Variants in PCDHGA3 observed in about 807,000 individuals in gnomAD.
PCDHGA3 encodes protocadherin gamma subfamily A, 3, also known as protocadherin gamma-A3.
A neutral mutation model predicts 58.5 loss-of-function variants in PCDHGA3; 40 were observed. That is an observed-to-expected ratio of 0.68 (90% CI 0.53 to 0.89). The LOEUF (loss-of-function observed/expected upper bound fraction) is 0.89, where lower values mean the gene tolerates loss of function less well. Among genes scored for constraint, PCDHGA3 ranks in the 40% least tolerant of loss-of-function variants. The pLI, the probability that PCDHGA3 is intolerant of heterozygous loss-of-function variation, is 0.00. For missense variants in PCDHGA3, 1,223 were observed against 1,195.9 expected (o/e 1.02, Z -0.33); for synonymous variants, 530 against 525.7 (o/e 1.01, Z -0.11).
At position 141,381,820 on chromosome 5, in the gene PCDHGA3, C is replaced by CTTTCTTTCT. The variant is rs1279410534; in HGVS notation, c.2424+35365_2424+35366insTCTTTCTTT. On this transcript the variant is annotated intron_variant, in intron 1 of 3. Transcript: ENST00000253812. ...TCCCTCTTTCTTTCTTTCTTTCTTT[C>CTTTCTTTCT]TTCTTCTTTTTTTTTTTTTTTTTTT... is the stretch of plus-strand genomic sequence containing the variant. 4.1e-3 allele frequency among the ~76,000 whole-genome samples: 486 copies of CTTTCTTTCT among 119,674 alleles called. 3 individuals carry two copies. The highest frequency in any genetic ancestry group is 0.016 in the African/African-American group (465 of 29,196). The allele number at this position is 119,674 out of a possible 152,430, so 78.5% of individuals were successfully genotyped here.
chr5:141,366,418 A>G (rs371439517), intron 1 of PCDHGA3: 439 of 1,613,988 alleles, frequency 2.7e-4, no homozygotes, highest in East Asian at 7.4e-4. Context: ...TTGTGGTGGC[A>G]GTGGCTGCAG....
Position 141,345,755 on chromosome 5 carries a change from C to G in PCDHGA3, c.1722C>G (p.Gly574=). ...YPALPTDGST[G]VELAPRSAEP... ...CCCTCCCCACAGACGGTTCCACTGG[C>G]GTGGAGCTGGCGCCTCGCTCCGCAG... The change falls in exon 1 of 4, where the codon GGC becomes GGG. Residue 574 remains glycine (G), a synonymous_variant. Transcript: ENST00000253812. 1.2e-6 allele frequency: 2 copies of G among 1,614,226 alleles called. No homozygotes were observed. The highest frequency in any genetic ancestry group is 1.7e-6 in the Non-Finnish European group (2 of 1,180,048).
In PCDHGA3 at chr5:141,476,235, A is replaced by G; in HGVS notation, c.2425-18572A>G. ...GTCATTCACTATGAGATCCCGGAGG[A>G]AAGAGAGAAGGGTTTCGCTGTGGGC... is the stretch of plus-strand genomic sequence containing the variant. On this transcript the variant is annotated intron_variant, in intron 1 of 3. Coordinates refer to ENST00000253812, the MANE Select transcript of PCDHGA3 (RefSeq NM_018916.4). The surrounding 1 kb of genome is among the most constrained non-coding windows in gnomAD (Gnocchi z 7.6). 2 of 1,613,844 alleles carry G rather than the reference A, an allele frequency of 1.2e-6. No homozygotes were observed. Among genetic ancestry groups the G allele is most frequent in the Admixed American group, 1.7e-5 (1 of 59,990 alleles).
Position 141,490,931 on chromosome 5 carries a change from T to C in PCDHGA3, c.2425-3876T>C. 1 of 1,613,780 alleles carries C rather than the reference T, an allele frequency of 6.2e-7. No individual in the cohort carries two copies. Among genetic ancestry groups the C allele is most frequent in the East Asian group, 2.2e-5 (1 of 44,872 alleles). ...GACGAGAATGATAATGCCCCAGCTG[T>C]GCTGCACCCACGGCCAGACTGGGAA... On this transcript the variant is annotated intron_variant, in intron 1 of 3. Transcript: ENST00000253812. This position sits in a 1 kb window ranked among gnomAD's most constrained non-coding sequence, Gnocchi z 5.4.
intron 1 of PCDHGA3, chr5:141,357,204 C>T (rs1216545771): frequency 1.2e-6 from 2 of 1,613,716 alleles, no homozygotes; most frequent in African/African-American, 1.3e-5. Flanking sequence ...CCGACAGCAT[C>T]CCAGATGTCC....
chr5:141,392,622 A>ACTCACAT, intron 1 of PCDHGA3: 1 of 558,650 alleles, frequency 1.8e-6, no homozygotes, highest in Non-Finnish European at 3.0e-6. Context: ...AACCGAAAAC[A>ACTCACAT]CTCAGATCTC....
rs369227893 is a variant in PCDHGA3, at chr5:141,419,063, T to A, written c.2424+72606T>A. 47 of 1,613,840 alleles carry A rather than the reference T, an allele frequency of 2.9e-5. No homozygotes were observed. The highest frequency in any genetic ancestry group is 4.0e-5 in the Non-Finnish European group (47 of 1,179,904). On this transcript the variant is annotated intron_variant, in intron 1 of 3. Coordinates refer to ENST00000253812, the MANE Select transcript of PCDHGA3 (RefSeq NM_018916.4). ...GATTCATTCTTCTTCTAATAATTACTACAAGCTAGTAACAGATGAGGCCCT... is the reference window on the plus strand; with the variant it reads ...GATTCATTCTTCTTCTAATAATTACAACAAGCTAGTAACAGATGAGGCCCT...
rs200317374 is a variant in PCDHGA3, at chr5:141,408,395, A to C, written c.2424+61938A>C. 29 of 1,613,856 alleles carry C rather than the reference A, an allele frequency of 1.8e-5. No homozygotes were observed. The South Asian group carries it at 3.0e-4, about 16-fold the overall frequency. On this transcript the variant is annotated intron_variant, in intron 1 of 3. Transcript: ENST00000253812. ...CAGTGTCCTGGATGTGTCGGCTCGC[A>C]AGCTGCGAGTGAGCGCGGAGAAGCT...
At chr5:141,399,532 C>G (rs552966531) in intron 1 of PCDHGA3, 28 of 1,614,066 alleles carry the variant, frequency 1.7e-5, no homozygotes, top group Non-Finnish European at 2.2e-5. Flanking sequence ...CTCCATCGCG[C>G]AAGTCTGCGC....
chr5:141,376,447 C>T (rs777597745), intron 1 of PCDHGA3: 83 of 1,614,064 alleles, frequency 5.1e-5, no homozygotes, highest in Admixed American at 1.3e-4. Context: ...ATGAGAAAAG[C>T]GAGCCTCTTC....
intron 1 of PCDHGA3, among the ~76,000 whole-genome samples, chr5:141,386,518 A>C (rs2090605382): frequency 0.01 from 1 of 96 alleles, no homozygotes; most frequent in Non-Finnish European, 0.017. Flanking sequence ...TCTTCAAAAA[A>C]AGACTCTTTT....
chr5:141,467,693 G>A lies in PCDHGA3; in HGVS notation c.2425-27114G>A, dbSNP rs543886467. Among the ~76,000 whole-genome samples the A allele has an allele frequency of 2.0e-4, 30 of 152,110 alleles. No individual in the cohort carries two copies. In the South Asian group the frequency reaches 5.6e-3, roughly 28 times the overall value. On this transcript the variant is annotated intron_variant, in intron 1 of 3. Transcript: ENST00000253812. ...TTTTATTTTTTTTAGACAGGGTCTGGCTCTGTTGCCCAGGCTGGAGTGTAG... is the reference window on the plus strand; with the variant it reads ...TTTTATTTTTTTTAGACAGGGTCTGACTCTGTTGCCCAGGCTGGAGTGTAG...
rs756820542 is a variant in PCDHGA3, at chr5:141,344,030, G to C, written c.-4G>C. 1 of 1,539,408 alleles carries C rather than the reference G, an allele frequency of 6.5e-7. No individual in the cohort carries two copies. Among genetic ancestry groups the C allele is most frequent in the Non-Finnish European group, 8.7e-7 (1 of 1,145,090 alleles). ...TTCAGAGAAAGCGATTCACCGAAAAGGAAATGACCAATTGCCTGAGTTTCC... is the reference window on the plus strand; with the variant it reads ...TTCAGAGAAAGCGATTCACCGAAAACGAAATGACCAATTGCCTGAGTTTCC... On this transcript the variant is annotated 5_prime_UTR_variant, in exon 1 of 4. Transcript: ENST00000253812.
chr5:141,498,713 C>T (rs1216279302), intron 2 of PCDHGA3, among the ~76,000 whole-genome samples: 1 of 152,148 alleles, frequency 6.6e-6, no homozygotes, highest in East Asian at 1.9e-4. Flanking sequence ...GGGTGGATCA[C>T]CTGAGGTCAG....
At chr5:141,358,546 G>A (rs1278401378) in intron 1 of PCDHGA3, among the ~76,000 whole-genome samples, 2 of 152,144 alleles carry the variant, frequency 1.3e-5, no homozygotes, top group Non-Finnish European at 2.9e-5. Context: ...TCTTGTTGCT[G>A]TTCTGAGATG....
chr5:141,441,700 T>TCAAG (rs1409793305), intron 1 of PCDHGA3: 1 of 308,660 alleles, frequency 3.2e-6, no homozygotes, highest in African/African-American at 2.3e-5. Context: ...CCGCGAGCCT[T>TCAAG]CAAGCTCACG....
At chr5:141,421,164 A>C (rs1304650780) in intron 1 of PCDHGA3, 9 of 1,286,298 alleles carry the variant, frequency 7.0e-6, no homozygotes, top group Non-Finnish European at 9.4e-6. Context: ...GACTTCATAG[A>C]TACATAAGCC....
chr5:141,431,731 T>G lies in PCDHGA3; in HGVS notation c.2425-63076T>G. 6.2e-7 allele frequency: 1 copy of G among 1,614,210 alleles called. No homozygotes were observed. The highest frequency in any genetic ancestry group is 8.5e-7 in the Non-Finnish European group (1 of 1,180,034). Reference sequence around the variant, plus strand: ...AGATGGAAGTGCAAGCAATGGATAATGCAGGATATTCTGCGCGAGCCAAAG... The same window carrying G: ...AGATGGAAGTGCAAGCAATGGATAAGGCAGGATATTCTGCGCGAGCCAAAG... On this transcript the variant is annotated intron_variant, in intron 1 of 3. Coordinates refer to ENST00000253812, the MANE Select transcript of PCDHGA3 (RefSeq NM_018916.4). The surrounding 1 kb of genome is among the most constrained non-coding windows in gnomAD (Gnocchi z 4.8).
chr5:141,356,039 CT>C (rs1352227097), intron 1 of PCDHGA3: 1 of 1,613,832 alleles, frequency 6.2e-7, no homozygotes, highest in Non-Finnish European at 8.5e-7. Context: ...GTGACGTATT[CT>C]TTCCGGAAAG....
Sources: allele counts gnomAD v4.1 joint callset (sites outside exome capture counted in the v4.1 genomes callset), GRCh38; gene constraint gnomAD v4.1.1; non-coding constraint Gnocchi (gnomAD v3.1); transcripts MANE v1.5; gene names NCBI Gene and HGNC (gene_info 2026-07-23, HGNC 2026-07-21).